The following APTX variants were observed in gnomAD, a reference collection of about 807,000 sequenced individuals.
APTX encodes the protein forkhead-associated domain histidine triad-like protein.
APTX carries 33 observed loss-of-function variants against 42.3 expected under a neutral mutation model. That is an observed-to-expected ratio of 0.78 (90% CI 0.59 to 1.04). The LOEUF is 1.04. Among genes scored for constraint, APTX ranks in the 50% least tolerant of loss-of-function variants. The probability of loss-of-function intolerance (pLI) is 0.00; values close to 1 mark genes in which losing one functional copy is unlikely to be tolerated. For missense variants in APTX, 421 were observed against 415.1 expected (o/e 1.01, Z -0.12); for synonymous variants, 130 against 146.7 (o/e 0.89, Z 0.82).
chr9:33,001,671 T>A, upstream of APTX: 1 of 1,593,734 alleles, frequency 6.3e-7, no homozygotes, highest in Non-Finnish European at 8.6e-7. Context: ...ACCAGTGACG[T>A]CACCAGCACC....
intron 1 of APTX, among the ~76,000 whole-genome samples, chr9:33,000,688 T>TA (rs1836143764): frequency 6.7e-6 from 1 of 150,108 alleles, no homozygotes; most frequent in African/African-American, 2.4e-5. Flanking sequence ...AATAACTGTG[T>TA]AACTAAGAAG....
chr9:32,987,827 C>T lies in APTX; in HGVS notation c.200G>A (p.Ser67Asn), dbSNP rs763787586. 1 of 1,613,598 alleles carries T rather than the reference C, an allele frequency of 6.2e-7. No homozygotes were observed. Among genetic ancestry groups the T allele is most frequent in the Non-Finnish European group, 8.5e-7 (1 of 1,180,026 alleles). ...KVKQVGVNPT[S>N]IDSVVIGKDQ... ...CTTCCCAATTACGACTGAGTCAATGCTGGTGGGATTGACTCCTACCTATGG... is the reference window on the plus strand; with the variant it reads ...CTTCCCAATTACGACTGAGTCAATGTTGGTGGGATTGACTCCTACCTATGG... Residue 67 changes from serine (S) to asparagine (N), a missense_variant, in exon 4 of 8, where the codon AGC (serine) becomes AAC (asparagine). Ser to Asn is a conservative substitution (Grantham distance 46). Transcript: ENST00000379817.
chr9:32,974,698 G>A, intron 6 of APTX, 137 bp from the exon 7 acceptor site: 1 of 653,132 alleles, frequency 1.5e-6, no homozygotes, highest in Non-Finnish European at 2.8e-6. Context: ...AAGTGATAGT[G>A]TGTCCATTTA....
In APTX at chr9:33,019,805, G is replaced by C. The variant is rs1838222934; in HGVS notation, c.-5+5218C>G. On this transcript the variant is annotated intron_variant, in intron 1 of 6. Transcript: ENST00000436040. The stretch of plus-strand genomic sequence containing the variant: ...AATTCGGAGCAGGCAACAGTCTTCA[G>C]CTTTCCAGCGGACGGCCAGGATCCT... The C allele has an allele frequency of 4.4e-5, 28 of 635,190 alleles. No homozygotes were observed. The South Asian group carries it at 6.0e-4, about 14-fold the overall frequency. 39.3% of individuals were successfully genotyped at this position (635,190 alleles called of 1,614,324 possible).
intron 1 of APTX, among the ~76,000 whole-genome samples, chr9:33,023,812 C>T (rs1329950759): frequency 6.6e-6 from 1 of 152,234 alleles, no homozygotes; most frequent in Non-Finnish European, 1.5e-5. Context: ...GGATAAAGTT[C>T]AAAATTCTTA....
At chr9:33,024,660 G>A (rs1838704323) in intron 1 of APTX, 1 of 152,136 alleles carries the variant, frequency 6.6e-6, no homozygotes, top group Non-Finnish European at 1.5e-5. Context: ...GCGAGGTCCA[G>A]GGCAGATAAC....
chr9:32,999,317 T>G (rs559781000), intron 1 of APTX, among the ~76,000 whole-genome samples: 4 of 152,024 alleles, frequency 2.6e-5, no homozygotes, highest in Non-Finnish European at 5.9e-5. Flanking sequence ...GGAGGCAGAG[T>G]TCAGAATACT....
intron 6 of APTX, among the ~76,000 whole-genome samples, chr9:32,976,339 T>C (rs1013197315): frequency 1.3e-5 from 2 of 152,134 alleles, no homozygotes; most frequent in African/African-American, 4.8e-5. Context: ...GTATCAAACC[T>C]GCCTGTTGTG....
intron 1 of APTX, among the ~76,000 whole-genome samples, chr9:33,022,167 G>A (rs558798511): frequency 9.2e-5 from 14 of 152,070 alleles, no homozygotes; most frequent in Middle Eastern, 6.8e-3. Flanking sequence ...TAAGTAAAAA[G>A]CGAAGAATAT....
At chr9:32,977,568 C>T (rs1432635084) in intron 6 of APTX, among the ~76,000 whole-genome samples, 2 of 151,328 alleles carry the variant, frequency 1.3e-5, no homozygotes. Context: ...CAGTGGCTCA[C>T]ACCTGTAATC....
At chr9:33,023,962 G>GTA (rs758352527) in intron 1 of APTX, among the ~76,000 whole-genome samples, 12 of 152,156 alleles carry the variant, frequency 7.9e-5, no homozygotes, top group Non-Finnish European at 1.6e-4. Context: ...CCACACCTTA[G>GTA]TATAGCCTTC....
chr9:32,998,341 A>G (rs958886656), intron 1 of APTX, among the ~76,000 whole-genome samples: 1 of 152,184 alleles, frequency 6.6e-6, no homozygotes, highest in Admixed American at 6.5e-5. Flanking sequence ...TGGTAATATT[A>G]TGTATCTGTA....
At chr9:32,995,866 C>T (rs1337187011) in intron 1 of APTX, among the ~76,000 whole-genome samples, 3 of 142,896 alleles carry the variant, frequency 2.1e-5, no homozygotes, top group African/African-American at 7.8e-5. Context: ...CCAGCCTGGG[C>T]GACAGAGCGA....
intron 1 of APTX, among the ~76,000 whole-genome samples, chr9:33,023,106 G>C (rs910906359): frequency 2.6e-5 from 4 of 152,122 alleles, no homozygotes; most frequent in Admixed American, 1.3e-4. Context: ...TGGGATTACA[G>C]GCTTGAGCCA....
chr9:33,019,457 CTT>C (rs1838184394), intron 1 of APTX, among the ~76,000 whole-genome samples: 1 of 152,156 alleles, frequency 6.6e-6, no homozygotes, highest in Non-Finnish European at 1.5e-5. Flanking sequence ...TTACTTTCCA[CTT>C]TGTGCCGATA....
intron 6 of APTX, chr9:32,980,299 G>A (rs141330998): frequency 1.3e-5 from 2 of 156,854 alleles, no homozygotes; most frequent in African/African-American, 4.8e-5. Context: ...TAATTCCATG[G>A]TCATGGGAAT....
rs190738161 is a variant in APTX at position 33,016,633 on chromosome 9, T to C, written c.-5+8390A>G. Among the ~76,000 whole-genome samples, 494 of 152,262 alleles carry C rather than the reference T, an allele frequency of 3.2e-3. 1 individual carries two copies. Among genetic ancestry groups the C allele is most frequent in the African/African-American group, 0.011 (465 of 41,516 alleles). On this transcript the variant is annotated intron_variant, in intron 1 of 6. Coordinates refer to the APTX transcript ENST00000436040. ...CTCTGTATTGAGGAAAATTGTGGAC[T>C]TTTAACTTAGAGTGACTAAATAGAA...
At chr9:33,002,802 T>G (rs946697617), upstream of APTX, among the ~76,000 whole-genome samples, 36 of 152,212 alleles carry the variant, frequency 2.4e-4, no homozygotes, top group African/African-American at 8.7e-4. Flanking sequence ...GGAGTCACAT[T>G]CTTCATCAAG....
chr9:32,991,758 T>C (rs10813917), intron 1 of APTX, among the ~76,000 whole-genome samples: 10,614 of 144,612 alleles, frequency 0.073, 508 homozygotes, highest in Non-Finnish European at 0.11. Context: ...GCCTGGGCGA[T>C]AGGGCAAGGC....
Sources: gnomAD v4.1 joint callset for allele counts (sites outside exome capture counted in the v4.1 genomes callset) on GRCh38, gnomAD v4.1.1 for gene constraint, MANE v1.5 for transcripts, NCBI Gene and HGNC (gene_info 2026-07-23, HGNC 2026-07-21) for gene names.